The following IGF1 variants were observed in gnomAD, a reference collection of about 807,000 sequenced individuals.
The protein encoded by IGF1 is insulin like growth factor 1.
In IGF1, 4 loss-of-function variants were observed where a neutral mutation model predicts 13.8. The observed-to-expected ratio is 0.29, with a 90% CI of 0.14 to 0.66. The LOEUF (loss-of-function observed/expected upper bound fraction) is 0.66, where lower values mean the gene tolerates loss of function less well. Among genes scored for constraint, IGF1 ranks in the 30% least tolerant of loss-of-function variants. The probability of loss-of-function intolerance (pLI) is 0.78; values close to 1 mark genes in which losing one functional copy is unlikely to be tolerated. For missense variants in IGF1, 124 were observed against 188.5 expected, an observed-to-expected ratio of 0.66 and a Z score of 2.00; for synonymous variants, 76 against 72.6, an observed-to-expected ratio of 1.05 and a Z score of -0.23.
At chr12:102,458,863 A>G (rs753347470) in intron 2 of IGF1, among the ~76,000 whole-genome samples, 2 of 152,132 alleles carry the variant, frequency 1.3e-5, no homozygotes, top group Non-Finnish European at 2.9e-5. Flanking sequence ...AGAAGAGAGG[A>G]AAGTCCAGGA....
At chr12:102,404,316 G>C (rs1425689639) in intron 3 of IGF1, among the ~76,000 whole-genome samples, 1 of 152,214 alleles carries the variant, frequency 6.6e-6, no homozygotes, top group African/African-American at 2.4e-5. Flanking sequence ...GAGAAGGTGA[G>C]AGGTTTTAAT....
intron 2 of IGF1, among the ~76,000 whole-genome samples, chr12:102,474,784 G>A (rs1045600294): frequency 5.3e-5 from 8 of 152,230 alleles, no homozygotes; most frequent in Non-Finnish European, 8.8e-5. Context: ...CAGTGAGATA[G>A]ATGCATGGGA....
intron 3 of IGF1, among the ~76,000 whole-genome samples, chr12:102,414,856 A>T (rs1874949364): frequency 6.6e-6 from 1 of 152,244 alleles, no homozygotes; most frequent in Non-Finnish European, 1.5e-5. Context: ...TTCCATACAT[A>T]TTCCAATTAG....
At chr12:102,410,623 C>T (rs1047882096) in intron 3 of IGF1, among the ~76,000 whole-genome samples, 1 of 152,192 alleles carries the variant, frequency 6.6e-6, no homozygotes, top group African/African-American at 2.4e-5. Flanking sequence ...GCAGTAACTC[C>T]TATTGCAGTG....
chr12:102,440,555 C>T (rs1471370654), intron 2 of IGF1, among the ~76,000 whole-genome samples: 1 of 152,182 alleles, frequency 6.6e-6, no homozygotes, highest in Non-Finnish European at 1.5e-5. Context: ...GCTCCTTATT[C>T]TACACTGTCT....
chr12:102,443,288 G>T (rs1396439002), intron 2 of IGF1, among the ~76,000 whole-genome samples: 2 of 152,114 alleles, frequency 1.3e-5, no homozygotes, highest in East Asian at 1.9e-4. Context: ...TCACATGAAA[G>T]CTTCTGGGAT....
At chr12:102,453,092 C>T (rs1879104690) in intron 2 of IGF1, among the ~76,000 whole-genome samples, 1 of 152,166 alleles carries the variant, frequency 6.6e-6, no homozygotes, top group Non-Finnish European at 1.5e-5. Flanking sequence ...TCCTGGAACC[C>T]CACAGTTCTT....
chr12:102,476,434 A>G (rs1479599980), intron 1 of IGF1, among the ~76,000 whole-genome samples: 1 of 151,920 alleles, frequency 6.6e-6, no homozygotes, highest in Non-Finnish European at 1.5e-5. Context: ...AGAGAGAGAG[A>G]GAGAGAGAGA....
rs566732314 is a variant in IGF1 at position 102,403,676 on chromosome 12, G to T, written c.403-1110C>A. ...TGTAGAGACGGGGTTTTGCTATATT[G>T]CCCAGGCTGGTCTTCAACTAGTGGG... On this transcript the variant is annotated intron_variant, in intron 3 of 3. Transcript: ENST00000337514. Among the ~76,000 whole-genome samples the T allele has an allele frequency of 3.1e-5, 3 of 96,542 alleles. No homozygotes were observed. In the South Asian group the frequency reaches 9.9e-4, roughly 32 times the overall value. 63.3% of individuals were successfully genotyped at this position (96,542 alleles called of 152,430 possible).
At chr12:102,404,644 G>A (rs1453042939) in intron 3 of IGF1, among the ~76,000 whole-genome samples, 4 of 152,112 alleles carry the variant, frequency 2.6e-5, no homozygotes, top group African/African-American at 9.7e-5. Context: ...AATGCCATTT[G>A]TTTTAAATTC....
intron 2 of IGF1, among the ~76,000 whole-genome samples, chr12:102,432,027 G>A (rs1037804545): frequency 3.9e-5 from 6 of 152,126 alleles, no homozygotes. Context: ...CTGAAATAGA[G>A]AAGTTTTTAC....
intron 3 of IGF1, among the ~76,000 whole-genome samples, chr12:102,407,542 T>C (rs1874282477): frequency 6.6e-6 from 1 of 152,230 alleles, no homozygotes; most frequent in Non-Finnish European, 1.5e-5. Flanking sequence ...GGAGATGTAA[T>C]AGTGGTTGGA....
At chr12:102,458,980 A>AAGTCAT (rs1879679656) in intron 2 of IGF1, among the ~76,000 whole-genome samples, 1 of 152,212 alleles carries the variant, frequency 6.6e-6, no homozygotes, top group African/African-American at 2.4e-5. Flanking sequence ...TGACTACAGC[A>AAGTCAT]AGTCATGCAG....
At chr12:102,444,119 G>A (rs1448742411) in intron 2 of IGF1, among the ~76,000 whole-genome samples, 7 of 152,002 alleles carry the variant, frequency 4.6e-5, no homozygotes, top group East Asian at 3.9e-4. Context: ...GAGCCACCAC[G>A]CCCGGCTGAA....
At chr12:102,440,107 G>A (rs117401491) in intron 2 of IGF1, among the ~76,000 whole-genome samples, 2,877 of 152,216 alleles carry the variant, frequency 0.019, 44 homozygotes, top group Non-Finnish European at 0.024. Context: ...TCTTACGGCC[G>A]CTAAGCATCC....
chr12:102,417,782 T>C (rs1304015068), intron 3 of IGF1: 2 of 1,612,640 alleles, frequency 1.2e-6, no homozygotes, highest in Non-Finnish European at 1.7e-6. Flanking sequence ...TCCTCTCTCA[T>C]CATCCTTGCC....
chr12:102,475,282 A>G (rs1419235345), intron 2 of IGF1, among the ~76,000 whole-genome samples: 2 of 152,052 alleles, frequency 1.3e-5, no homozygotes. Context: ...TGTGTTCCAT[A>G]TGTTTATATG....
intron 2 of IGF1, among the ~76,000 whole-genome samples, chr12:102,430,823 C>T (rs1047418806): frequency 7.9e-5 from 12 of 152,218 alleles, no homozygotes; most frequent in African/African-American, 2.4e-4. Flanking sequence ...CCACGGTCCA[C>T]TGAGATCTGC....
intron 2 of IGF1, among the ~76,000 whole-genome samples, chr12:102,460,061 G>T (rs531360653): frequency 3.9e-5 from 6 of 152,182 alleles, no homozygotes; most frequent in Non-Finnish European, 7.3e-5. Flanking sequence ...TCACATAAAA[G>T]GGTGACCAAA....
Sources: gnomAD v4.1 joint callset for allele counts (sites outside exome capture counted in the v4.1 genomes callset) on GRCh38, gnomAD v4.1.1 for gene constraint, MANE v1.5 for transcripts, NCBI Gene and HGNC (gene_info 2026-07-23, HGNC 2026-07-21) for gene names.